FMN1: variants seen among roughly 807,000 people sequenced by gnomAD.
FMN1 encodes formin 1, also known as formin-1.
FMN1 carries 110 observed loss-of-function variants against 132.4 expected under a neutral mutation model. The ratio of observed to expected loss-of-function variants is 0.83; its 90% CI spans 0.71 to 0.97. FMN1 has a LOEUF of 0.97. Ranked by LOEUF, FMN1 falls within the 50% of genes least tolerant of loss-of-function variation. FMN1 has a pLI of 0.00. For synonymous variants in FMN1, 722 were observed against 651.7 expected (o/e 1.11, Z -1.64); for missense variants, 1,792 against 1,705.3 (o/e 1.05, Z -0.90).
intron 19 of FMN1, among the ~76,000 whole-genome samples, chr15:32,791,467 G>A (rs1408819014): frequency 6.6e-6 from 1 of 151,736 alleles, no homozygotes; most frequent in Non-Finnish European, 1.5e-5. Context: ...CATGAGCAAT[G>A]GAAAACCACA....
rs527253130 is a variant in FMN1 at position 32,774,210 on chromosome 15, G to C, written c.*100C>G. ...AGAGATGAGCAAAAACAAACATTTA[G>C]TGACACATCTTTCAAGAACGTCCTG... On this transcript the variant is annotated 3_prime_UTR_variant, in exon 21 of 21. Transcript: ENST00000616417. 2.2e-4 allele frequency: 202 copies of C among 909,100 alleles called. No individual in the cohort carries two copies. In the African/African-American group the frequency reaches 3.1e-3, roughly 14 times the overall value. 56.3% of individuals were successfully genotyped at this position (909,100 alleles called of 1,614,324 possible).
At chr15:33,177,393 A>C (rs117717918) in intron 3 of FMN1, among the ~76,000 whole-genome samples, 2 of 152,306 alleles carry the variant, frequency 1.3e-5, no homozygotes, top group East Asian at 1.9e-4. Flanking sequence ...GGGCAGGGCA[A>C]ACTAAGAAAA....
At chr15:32,785,176 G>GTGTGTGTGTT (rs2056817324) in intron 19 of FMN1, among the ~76,000 whole-genome samples, 1 of 34,570 alleles carries the variant, frequency 2.9e-5, no homozygotes, top group Admixed American at 3.4e-4. Flanking sequence ...GTGTGTGTGT[G>GTGTGTGTGTT]TGTGTGTGTG....
intron 9 of FMN1, among the ~76,000 whole-genome samples, chr15:32,926,880 G>T (rs2060974963): frequency 1.3e-5 from 2 of 152,132 alleles, no homozygotes; most frequent in Non-Finnish European, 2.9e-5. Context: ...GACCTCCTGG[G>T]TTTAAGTGAT....
intron 16 of FMN1, among the ~76,000 whole-genome samples, chr15:32,865,843 A>T (rs1253731599): frequency 7.0e-5 from 9 of 128,086 alleles, no homozygotes; most frequent in Admixed American, 6.0e-4. Flanking sequence ...CCTCAAAAAA[A>T]AAAAAAAAAA....
chr15:32,881,804 G>C (rs1596166015), intron 16 of FMN1, among the ~76,000 whole-genome samples: 1 of 152,116 alleles, frequency 6.6e-6, no homozygotes. Context: ...TATGTGACTT[G>C]ACAAGTTCTG....
intron 6 of FMN1, among the ~76,000 whole-genome samples, chr15:33,044,155 G>A (rs150113247): frequency 1.6e-4 from 25 of 152,362 alleles, no homozygotes; most frequent in Non-Finnish European, 2.5e-4. Flanking sequence ...AAGACTTTGG[G>A]CACCAATGAG....
intron 9 of FMN1, among the ~76,000 whole-genome samples, chr15:32,948,170 CCAT>C (rs1194674414): frequency 6.6e-6 from 1 of 151,846 alleles, no homozygotes; most frequent in Admixed American, 6.6e-5. Context: ...AAATATTTTG[CCAT>C]CATCTTTCAA....
At chr15:32,777,744 T>G (rs1441274448) in intron 19 of FMN1, among the ~76,000 whole-genome samples, 1 of 141,240 alleles carries the variant, frequency 7.1e-6, no homozygotes, top group African/African-American at 2.6e-5. Flanking sequence ...TACATTTACT[T>G]ATATATTATG....
chr15:32,960,857 T>C (rs1022283099), intron 9 of FMN1, among the ~76,000 whole-genome samples: 2 of 151,696 alleles, frequency 1.3e-5, no homozygotes, highest in African/African-American at 2.4e-5. Context: ...TAGCCGGGCA[T>C]GGTGGTGCAT....
At chr15:33,009,122 C>A (rs2034572643) in intron 6 of FMN1, among the ~76,000 whole-genome samples, 1 of 152,166 alleles carries the variant, frequency 6.6e-6, no homozygotes, top group Non-Finnish European at 1.5e-5. Flanking sequence ...GGAAGGTGCT[C>A]CACTGAGCTG....
chr15:33,103,084 A>C (rs1256511102), intron 4 of FMN1, among the ~76,000 whole-genome samples: 1 of 152,128 alleles, frequency 6.6e-6, no homozygotes, highest in East Asian at 1.9e-4. Context: ...TGTGTTTAGT[A>C]GATATATAAT....
Position 33,004,956 on chromosome 15 carries a change from G to A in FMN1, c.2223+3058C>T, listed in dbSNP as rs546028612. On this transcript the variant is annotated intron_variant, in intron 7 of 20. Coordinates refer to ENST00000616417, the MANE Select transcript of FMN1 (RefSeq NM_001277313.2). ...CGCAAGGACAAAAAAACCAAACACCGTATGTTCTCACTCATAGGTGGGACT... is the reference window on the plus strand; with the variant it reads ...CGCAAGGACAAAAAAACCAAACACCATATGTTCTCACTCATAGGTGGGACT... Among the ~76,000 whole-genome samples the A allele has an allele frequency of 8.5e-5, 13 of 152,166 alleles. No individual in the cohort carries two copies. In the South Asian group the frequency reaches 2.3e-3, roughly 27 times the overall value.
At chr15:32,986,084 G>A (rs906373370) in intron 7 of FMN1, among the ~76,000 whole-genome samples, 9 of 152,058 alleles carry the variant, frequency 5.9e-5, no homozygotes, top group African/African-American at 2.2e-4. Context: ...GATAATAGGG[G>A]TTATAGATTT....
intron 12 of FMN1, among the ~76,000 whole-genome samples, chr15:32,902,806 C>T (rs1396291614): frequency 6.6e-6 from 1 of 152,168 alleles, no homozygotes; most frequent in Non-Finnish European, 1.5e-5. Context: ...GACATACTCT[C>T]CAGGCCAACC....
intron 10 of FMN1, among the ~76,000 whole-genome samples, chr15:32,918,882 T>C: frequency 6.6e-6 from 1 of 151,952 alleles, no homozygotes. Context: ...TGCAGAATGG[T>C]TTAGAAAGGG....
At chr15:32,787,134 A>G (rs2056907231) in intron 19 of FMN1, among the ~76,000 whole-genome samples, 1 of 152,056 alleles carries the variant, frequency 6.6e-6, no homozygotes, top group Non-Finnish European at 1.5e-5. Flanking sequence ...AAGTAAAGTC[A>G]CTCCCTACTG....
intron 4 of FMN1, among the ~76,000 whole-genome samples, chr15:33,100,916 A>G (rs2039268409): frequency 1.3e-5 from 2 of 152,224 alleles, no homozygotes; most frequent in South Asian, 4.1e-4. Context: ...AATATGTAAT[A>G]CATAAGAAAA....
chr15:33,145,428 G>A (rs901307780), intron 4 of FMN1, among the ~76,000 whole-genome samples: 5 of 151,692 alleles, frequency 3.3e-5, no homozygotes, highest in African/African-American at 1.2e-4. Flanking sequence ...ATCCTGTTAT[G>A]CAGAATTTGC....
Sources: gnomAD v4.1 joint callset for allele counts (sites outside exome capture counted in the v4.1 genomes callset) on GRCh38, gnomAD v4.1.1 for gene constraint, MANE v1.5 for transcripts, NCBI Gene and HGNC (gene_info 2026-07-23, HGNC 2026-07-21) for gene names.